The following CPE variants were observed in gnomAD, a reference collection of about 807,000 sequenced individuals.
CPE encodes the protein carbocypeptidase E.
A neutral mutation model predicts 53.5 loss-of-function variants in CPE; 17 were observed. The ratio of observed to expected loss-of-function variants is 0.32; its 90% CI spans 0.22 to 0.48. The LOEUF (loss-of-function observed/expected upper bound fraction) is 0.48, where lower values mean the gene tolerates loss of function less well. Ranked by LOEUF, CPE falls within the 20% of genes least tolerant of loss-of-function variation. The pLI is 0.99. For synonymous variants in CPE, 226 were observed against 228.8 expected, an observed-to-expected ratio of 0.99 and a Z score of 0.11; for missense variants, 524 against 614.7, an observed-to-expected ratio of 0.85 and a Z score of 1.56.
At chr4:165,475,421 C>T (rs144826105) in intron 3 of CPE, among the ~76,000 whole-genome samples, 47 of 152,166 alleles carry the variant, frequency 3.1e-4, no homozygotes, top group African/African-American at 1.1e-3. Flanking sequence ...AAGTATAAAC[C>T]TCAGGGGATA....
chr4:165,421,113 C>T (rs1331599032), intron 1 of CPE, among the ~76,000 whole-genome samples: 1 of 152,136 alleles, frequency 6.6e-6, no homozygotes, highest in Non-Finnish European at 1.5e-5. Flanking sequence ...GAAAATTATA[C>T]TTCTTAAAGC....
intron 3 of CPE, among the ~76,000 whole-genome samples, chr4:165,469,914 G>A (rs1326018973): frequency 6.6e-6 from 1 of 152,154 alleles, no homozygotes; most frequent in Non-Finnish European, 1.5e-5. Context: ...GAAGGATCCA[G>A]GAGACAGGGA....
At chr4:165,400,938 C>T (rs1408541343) in intron 1 of CPE, among the ~76,000 whole-genome samples, 1 of 152,090 alleles carries the variant, frequency 6.6e-6, no homozygotes, top group African/African-American at 2.4e-5. Context: ...TAATAGAGCC[C>T]TCTTTCACCC....
At chr4:165,438,634 C>T (rs1184896035) in intron 1 of CPE, among the ~76,000 whole-genome samples, 1 of 152,132 alleles carries the variant, frequency 6.6e-6, no homozygotes, top group Admixed American at 6.6e-5. Context: ...TCATTTCAAA[C>T]ACGATGAGTG....
intron 1 of CPE, among the ~76,000 whole-genome samples, chr4:165,443,469 G>A (rs1731650155): frequency 6.6e-6 from 1 of 152,158 alleles, no homozygotes; most frequent in Non-Finnish European, 1.5e-5. Context: ...TTTTTTCACA[G>A]TTCTGGAGAC....
intron 1 of CPE, among the ~76,000 whole-genome samples, chr4:165,393,345 A>G (rs1205729722): frequency 1.3e-5 from 2 of 152,214 alleles, no homozygotes; most frequent in Non-Finnish European, 1.5e-5. Context: ...TTCACTATGC[A>G]GAAATATTTA....
In CPE at chr4:165,454,243, A is replaced by G. The variant is rs375409340; in HGVS notation, c.308-10147A>G. On this transcript the variant is annotated intron_variant, in intron 1 of 8. Coordinates refer to ENST00000402744, the MANE Select transcript of CPE (RefSeq NM_001873.4). The stretch of plus-strand genomic sequence containing the variant: ...TTTCTCCATAGGCTCAGGCATGCAG[A>G]ATGATTCAGAGAGCTCCATTTGCTT... Among the ~76,000 whole-genome samples, 14 of 152,314 alleles carry G rather than the reference A, an allele frequency of 9.2e-5. 2 individuals are homozygous for G. The highest frequency in any genetic ancestry group is 3.3e-4 in the Admixed American group (5 of 15,302).
intron 1 of CPE, among the ~76,000 whole-genome samples, chr4:165,435,905 T>C (rs1731493342): frequency 6.6e-6 from 1 of 152,170 alleles, no homozygotes; most frequent in Non-Finnish European, 1.5e-5. Flanking sequence ...ACAGTAGTAA[T>C]TGGACACACA....
chr4:165,379,510 C>T lies in CPE; in HGVS notation c.289C>T (p.Pro97Ser). 2.5e-6 allele frequency: 4 copies of T among 1,591,548 alleles called. No individual in the cohort carries two copies. Among genetic ancestry groups the T allele is most frequent in the South Asian group, 1.1e-5 (1 of 89,200 alleles). The change falls in exon 1 of 9, where the codon CCT becomes TCT. Residue 97 changes from proline (P) to serine (S), a missense_variant. Coordinates refer to ENST00000402744, the MANE Select transcript of CPE (RefSeq NM_001873.4). This position sits in a 1 kb window ranked among gnomAD's most constrained non-coding sequence, Gnocchi z 6.0. ...CCTGGTCATCGAGCTGTCCGACAAC[C>T]CTGGCGTCCATGAGCCTGGTAAGGG... ...ELLVIELSDNPGVHEPGEPEF... is the reference protein window; with the variant it reads ...ELLVIELSDNSGVHEPGEPEF...
At chr4:165,481,016 A>T (rs55785748) in intron 3 of CPE, among the ~76,000 whole-genome samples, 51,919 of 110,996 alleles carry the variant, frequency 0.47, 12,136 homozygotes, top group East Asian at 0.54. Context: ...ATATATATAT[A>T]TTTTTTTTTT....
chr4:165,412,502 T>A (rs931613004), intron 1 of CPE, among the ~76,000 whole-genome samples: 7 of 152,206 alleles, frequency 4.6e-5, no homozygotes, highest in African/African-American at 1.7e-4. Context: ...TTACTATTAT[T>A]ATCTCGATTT....
In CPE at chr4:165,495,628, A is replaced by C; in HGVS notation, c.1283A>C (p.Tyr428Ser). ...AAACTTACAGCCTCAGCTCCAGGCT[A>C]TCTGGCAATAACAAAGAAAGTGGCA... ...NYKLTASAPG[Y>S]LAITKKVAVP... Residue 428 changes from tyrosine to serine, a missense_variant, in exon 8 of 9, where the codon TAT becomes TCT. Coordinates refer to ENST00000402744, the MANE Select transcript of CPE (RefSeq NM_001873.4). 2.5e-6 allele frequency: 4 copies of C among 1,614,032 alleles called. No individual in the cohort carries two copies. The highest frequency in any genetic ancestry group is 2.5e-6 in the Non-Finnish European group (3 of 1,179,962).
intron 1 of CPE, among the ~76,000 whole-genome samples, chr4:165,431,889 T>C (rs1220214375): frequency 6.6e-6 from 1 of 152,104 alleles, no homozygotes; most frequent in Non-Finnish European, 1.5e-5. Flanking sequence ...CATTCCTATG[T>C]GTGTTAATAG....
chr4:165,477,235 C>G (rs1423810730), intron 3 of CPE, among the ~76,000 whole-genome samples: 3 of 152,108 alleles, frequency 2.0e-5, no homozygotes, highest in Non-Finnish European at 2.9e-5. Flanking sequence ...TTTTGTATTT[C>G]TAGCTTAGGC....
At chr4:165,454,355 T>C (rs901244548) in intron 1 of CPE, among the ~76,000 whole-genome samples, 39 of 145,758 alleles carry the variant, frequency 2.7e-4, no homozygotes, top group Non-Finnish European at 3.1e-4. Flanking sequence ...TTCATGATGA[T>C]GTTGAAAAAA....
chr4:165,387,187 A>G (rs375992854), intron 1 of CPE, among the ~76,000 whole-genome samples: 1 of 152,182 alleles, frequency 6.6e-6, no homozygotes, highest in Non-Finnish European at 1.5e-5. Flanking sequence ...ATGATTTTCA[A>G]ATGATTTACC....
chr4:165,484,501 G>A lies in CPE; in HGVS notation c.870G>A (p.Pro290=), dbSNP rs767469899. 68 of 1,613,812 alleles carry A rather than the reference G, an allele frequency of 4.2e-5. No homozygotes were observed. Among genetic ancestry groups the A allele is most frequent in the East Asian group, 2.7e-4 (12 of 44,882 alleles). ...SLARAYSSFN[P]AMSDPNRPPC... is the part of the protein sequence containing the mutation. ...CCCGGGCATACTCTTCTTTCAACCCGGCCATGTCTGACCCCAATCGGCCAC... is the reference window on the plus strand; with the variant it reads ...CCCGGGCATACTCTTCTTTCAACCCAGCCATGTCTGACCCCAATCGGCCAC... Residue 290 remains proline (P), a synonymous_variant, in exon 5 of 9, where the codon CCG becomes CCA. Transcript: ENST00000402744.
At chr4:165,389,769 T>G (rs1233585520) in intron 1 of CPE, among the ~76,000 whole-genome samples, 2 of 152,366 alleles carry the variant, frequency 1.3e-5, no homozygotes, top group African/African-American at 4.8e-5. Flanking sequence ...AAACATCTAG[T>G]GAAAATTAGA....
intron 1 of CPE, among the ~76,000 whole-genome samples, chr4:165,414,726 T>C (rs1731093652): frequency 1.3e-5 from 2 of 151,986 alleles, no homozygotes; most frequent in South Asian, 2.1e-4. Context: ...CACACACACA[T>C]ATTTACATAT....
Sources: allele counts gnomAD v4.1 joint callset (sites outside exome capture counted in the v4.1 genomes callset), GRCh38; gene constraint gnomAD v4.1.1; non-coding constraint Gnocchi (gnomAD v3.1); transcripts MANE v1.5; gene names NCBI Gene and HGNC (gene_info 2026-07-23, HGNC 2026-07-21).